Variants in RYR3 observed in about 807,000 individuals in gnomAD.
RYR3 encodes the protein brain ryanodine receptor-calcium release channel.
In RYR3, 207 loss-of-function variants were observed where a neutral mutation model predicts 584.3. The observed-to-expected ratio is 0.35, with a 90% CI of 0.32 to 0.40. The LOEUF (loss-of-function observed/expected upper bound fraction) is 0.40. Among genes scored for constraint, RYR3 ranks in the 10% least tolerant of loss-of-function variants. The probability of loss-of-function intolerance (pLI) is 1.00; values close to 1 mark genes in which losing one functional copy is unlikely to be tolerated. For missense variants in RYR3, 5,616 were observed against 6,089.2 expected (o/e 0.92, Z 2.59); for synonymous variants, 2,416 against 2,248.5 (o/e 1.07, Z -2.11).
chr15:33,854,791 C>T lies in RYR3; in HGVS notation c.13886C>T (p.Thr4629Ile). The change falls in exon 98 of 104, where the codon ACA (threonine) becomes ATA (isoleucine). Residue 4629 changes from threonine to isoleucine, a missense_variant. Physicochemically the swap from Thr to Ile is moderately conservative, Grantham distance 89 (BLOSUM62 -1). Around this residue, in one of 9 missense-constraint regions of RYR3, gnomAD observed 918 missense variants for 887.4 expected, o/e 1.03. Coordinates refer to ENST00000634891, the MANE Select transcript of RYR3 (RefSeq NM_001036.6). Reference protein sequence around the residue: ...DNSFLYLAWYTTMSVLGHYNN... With the variant: ...DNSFLYLAWYITMSVLGHYNN... ...TCCTTTCTCTACCTTGCCTGGTATACAACCATGTCAGTCCTGGGCCACTAC... is the reference window on the plus strand; with the variant it reads ...TCCTTTCTCTACCTTGCCTGGTATATAACCATGTCAGTCCTGGGCCACTAC... The T allele has an allele frequency of 6.2e-7, 1 of 1,612,350 alleles. No homozygotes were observed. Among genetic ancestry groups the T allele is most frequent in the Non-Finnish European group, 8.5e-7 (1 of 1,179,400 alleles).
At chr15:33,406,451 A>G (rs895585100) in intron 1 of RYR3, among the ~76,000 whole-genome samples, 2 of 152,234 alleles carry the variant, frequency 1.3e-5, no homozygotes, top group Admixed American at 1.3e-4. Context: ...CCCCGTCAGC[A>G]TGACAGTGAA....
In RYR3 at chr15:33,818,616, A is replaced by C. The variant is rs1307070579; in HGVS notation, c.10638A>C (p.Thr3546=). 1 of 1,613,982 alleles carries C rather than the reference A, an allele frequency of 6.2e-7. No individual in the cohort carries two copies. Among genetic ancestry groups the C allele is most frequent in the Non-Finnish European group, 8.5e-7 (1 of 1,179,866 alleles). ...PKVEEEEEEE[T]EKQPDPLHQI... is the part of the protein sequence containing the mutation. ...TGGAAGAGGAGGAGGAGGAAGAGAC[A>C]GAAAAACAACCTGACCCACTACATC... is the stretch of plus-strand genomic sequence containing the variant. The change falls in exon 76 of 104, where the codon ACA becomes ACC. Residue 3546 remains threonine (T), a synonymous_variant. Coordinates refer to ENST00000634891, the MANE Select transcript of RYR3 (RefSeq NM_001036.6).
chr15:33,624,432 G>A (rs2060882019), intron 20 of RYR3, among the ~76,000 whole-genome samples: 1 of 152,180 alleles, frequency 6.6e-6, no homozygotes, highest in South Asian at 2.1e-4. Flanking sequence ...TGGTAAGGGT[G>A]GAATTCAGTT....
intron 91 of RYR3, among the ~76,000 whole-genome samples, chr15:33,842,929 C>A (rs1217234435): frequency 2.0e-5 from 3 of 152,178 alleles, no homozygotes; most frequent in Non-Finnish European, 4.4e-5. Flanking sequence ...AAAGCCAGAG[C>A]AGGATTCTTT....
At chr15:33,812,632 G>C (rs1252363823) in intron 72 of RYR3, among the ~76,000 whole-genome samples, 3 of 152,124 alleles carry the variant, frequency 2.0e-5, no homozygotes, top group Non-Finnish European at 4.4e-5. Flanking sequence ...ATGCAACACA[G>C]AGAGATGACG....
At chr15:33,851,560 A>C (rs1273367105) in intron 94 of RYR3, 1 of 152,160 alleles carries the variant, frequency 6.6e-6, no homozygotes. Flanking sequence ...ACAAGTAAAA[A>C]ATCTGTTTTC....
chr15:33,595,711 C>T (rs2059337840), intron 16 of RYR3, among the ~76,000 whole-genome samples: 1 of 152,142 alleles, frequency 6.6e-6, no homozygotes. Flanking sequence ...TTTAGCAGGA[C>T]TTGGTGTCCT....
chr15:33,432,015 C>T (rs1319349597), intron 1 of RYR3, among the ~76,000 whole-genome samples: 1 of 152,148 alleles, frequency 6.6e-6, no homozygotes, highest in Non-Finnish European at 1.5e-5. Context: ...ACTAGTAAGT[C>T]ACTGGGTTAC....
chr15:33,407,402 G>C (rs79667945), intron 1 of RYR3, among the ~76,000 whole-genome samples: 1,712 of 152,318 alleles, frequency 0.011, 29 homozygotes, highest in African/African-American at 0.032. Context: ...ATGGAGACGA[G>C]AGTGAACCAT....
rs75125417 is a variant in RYR3 at position 33,582,225 on chromosome 15, G to A, written c.1573+582G>A. ...CTAGGCCACCCGCCTATGGGTGGGAGGCAGAGAGAAGACAGTATGAGCCTG... is the reference window on the plus strand; with the variant it reads ...CTAGGCCACCCGCCTATGGGTGGGAAGCAGAGAGAAGACAGTATGAGCCTG... On this transcript the variant is annotated intron_variant, in intron 14 of 103. Transcript: ENST00000634891. 9.6e-3 allele frequency among the ~76,000 whole-genome samples: 1,461 copies of A among 152,300 alleles called. 24 individuals carry two copies. Among genetic ancestry groups the A allele is most frequent in the African/African-American group, 0.034 (1,410 of 41,556 alleles).
intron 48 of RYR3, among the ~76,000 whole-genome samples, chr15:33,731,988 GTCTTCATTC>G (rs993568594): frequency 9.8e-5 from 15 of 152,322 alleles, no homozygotes; most frequent in South Asian, 4.1e-4. Flanking sequence ...ATTAAGGGCT[GTCTTCATTC>G]TCTTCATTCT....
intron 85 of RYR3, 74 bp from the exon 86 acceptor site, chr15:33,830,889 C>A (rs142744721): frequency 4.0e-6 from 6 of 1,504,136 alleles, no homozygotes; most frequent in African/African-American, 2.7e-5. Context: ...TTATCATGTA[C>A]CCTTCCCAAA....
At chr15:33,474,954 G>C (rs1253276089) in intron 2 of RYR3, among the ~76,000 whole-genome samples, 5 of 152,198 alleles carry the variant, frequency 3.3e-5, no homozygotes, top group African/African-American at 9.7e-5. Flanking sequence ...GGATAGAAGA[G>C]AGACAAGGAA....
chr15:33,583,769 ACGC>A (rs1369567794), intron 14 of RYR3, among the ~76,000 whole-genome samples: 1 of 152,136 alleles, frequency 6.6e-6, no homozygotes, highest in Non-Finnish European at 1.5e-5. Context: ...AAAAATATTT[ACGC>A]CAGGCATGGT....
At chr15:33,340,369 T>G (rs1298576741) in intron 1 of RYR3, among the ~76,000 whole-genome samples, 1 of 152,236 alleles carries the variant, frequency 6.6e-6, no homozygotes, top group Non-Finnish European at 1.5e-5. Flanking sequence ...TGTTGGAGGC[T>G]TGATCCAGAA....
chr15:33,811,404 C>A (rs180915340), intron 72 of RYR3, among the ~76,000 whole-genome samples: 1 of 151,630 alleles, frequency 6.6e-6, no homozygotes, highest in African/African-American at 2.4e-5. Context: ...ACTTGGGAGG[C>A]TGAGGCAGAG....
Position 33,412,572 on chromosome 15 carries a change from G to A in RYR3, c.52-60847G>A, listed in dbSNP as rs1005961750. Reference sequence around the variant, plus strand: ...AGGAGAGCCCCACGGTTTCTCTTCTGGGTCTAGGGTTTGTCACCAGGCCCA... The same window carrying A: ...AGGAGAGCCCCACGGTTTCTCTTCTAGGTCTAGGGTTTGTCACCAGGCCCA... On this transcript the variant is annotated intron_variant, in intron 1 of 103. Transcript: ENST00000634891. The surrounding 1 kb of genome is among the most constrained non-coding windows in gnomAD (Gnocchi z 4.3). Among the ~76,000 whole-genome samples, 1 of 152,156 alleles carries A rather than the reference G, an allele frequency of 6.6e-6. No homozygotes were observed. Among genetic ancestry groups the A allele is most frequent in the Non-Finnish European group, 1.5e-5 (1 of 68,042 alleles).
intron 1 of RYR3, among the ~76,000 whole-genome samples, chr15:33,353,950 G>A (rs1973620652): frequency 6.6e-6 from 1 of 152,168 alleles, no homozygotes; most frequent in African/African-American, 2.4e-5. Flanking sequence ...TGTGACTCCA[G>A]CCTTTTGAAA....
intron 1 of RYR3, among the ~76,000 whole-genome samples, chr15:33,428,448 G>T (rs973250363): frequency 1.3e-5 from 2 of 152,184 alleles, no homozygotes; most frequent in African/African-American, 4.8e-5. Context: ...TCCTCACCCA[G>T]ATATCTCAGA....
Sources: gnomAD v4.1 joint callset for allele counts (sites outside exome capture counted in the v4.1 genomes callset) on GRCh38, gnomAD v4.1.1 for gene constraint, gnomAD v4.1.1 regional missense constraint, Gnocchi (gnomAD v3.1) non-coding constraint, MANE v1.5 for transcripts, NCBI Gene and HGNC (gene_info 2026-07-23, HGNC 2026-07-21) for gene names.